The following VBP1 variants were observed in gnomAD, a reference collection of about 807,000 sequenced individuals.
VBP1 encodes prefoldin subunit 3.
A neutral mutation model predicts 15.5 loss-of-function variants in VBP1; 4 were observed. The observed-to-expected ratio is 0.26, with a 90% CI of 0.13 to 0.59. VBP1 has a LOEUF of 0.59. Ranked by LOEUF, VBP1 falls within the 20% of genes least tolerant of loss-of-function variation. The pLI is 0.90. For synonymous variants in VBP1, 61 were observed against 52.1 expected (o/e 1.17, Z -0.74); for missense variants, 108 against 139.6 (o/e 0.77, Z 1.14).
intron 1 of VBP1, among the ~76,000 whole-genome samples, chrX:155,203,547 G>A (rs1461777969): frequency 9.8e-6 from 1 of 101,983 alleles, no homozygotes; most frequent in Non-Finnish European, 2.0e-5. Flanking sequence ...ACTCATAGGT[G>A]GGAATTGAAC....
chrX:155,204,397 C>G (rs1184428429), intron 1 of VBP1, among the ~76,000 whole-genome samples: 2 of 111,508 alleles, frequency 1.8e-5, no homozygotes, highest in Non-Finnish European at 3.8e-5. Context: ...AGGTGATCCG[C>G]CCGCCTTGGC....
Position 155,220,236 on chromosome X carries a change from A to G in VBP1, c.147A>G (p.Val49=), listed in dbSNP as rs373158255. The change falls in exon 2 of 6, where the codon GTA becomes GTG. Residue 49 remains valine (V), a synonymous_variant. Transcript: ENST00000286428. ...KQPGNETADT[V]LKKLDEQYQK... ...CTGGGAATGAGACTGCAGATACAGT[A>G]TTAAAGAAGCTGGATGAACAGTACC... 8.3e-7 allele frequency: 1 copy of G among 1,200,754 alleles called. No homozygotes were observed. The highest frequency in any genetic ancestry group is 1.1e-6 in the Non-Finnish European group (1 of 889,058).
At chrX:155,230,422 GTTAAAAC>G (rs2074740039) in intron 4 of VBP1, among the ~76,000 whole-genome samples, 1 of 111,427 alleles carries the variant, frequency 9.0e-6, no homozygotes, top group South Asian at 3.8e-4. Flanking sequence ...AGTATAAGGG[GTTAAAAC>G]TTAAATGTAT....
Position 155,238,772 on chromosome X carries a change from A to G in VBP1, c.524A>G (p.Asn175Ser), listed in dbSNP as rs868952384. Residue 175 changes from asparagine (N) to serine (S), a missense_variant and splice_region_variant, in exon 6 of 6, where the codon AAT becomes AGT. Physicochemically the swap from Asn to Ser is conservative, Grantham distance 46. Transcript: ENST00000286428. ...LRDQFTTTEVNMARVYNWDVK... is the reference protein window; with the variant it reads ...LRDQFTTTEVSMARVYNWDVK... ...GCATTTTCTTTGACAATTCTTGCAG[A>G]TATGGCCAGGGTTTATAATTGGGAT... The G allele has an allele frequency of 8.3e-7, 1 of 1,203,223 alleles. No homozygotes were observed.
intron 2 of VBP1, among the ~76,000 whole-genome samples, chrX:155,224,871 CATTT>C (rs2074712207): frequency 9.0e-6 from 1 of 110,926 alleles, no homozygotes; most frequent in African/African-American, 3.3e-5. Flanking sequence ...TTCTGCCTTC[CATTT>C]ATTTATATTA....
intron 1 of VBP1, among the ~76,000 whole-genome samples, chrX:155,204,375 A>T (rs782346442): frequency 9.1e-6 from 1 of 109,309 alleles, no homozygotes; most frequent in South Asian, 3.9e-4. Flanking sequence ...CTGGTCTTGA[A>T]CTCCTGACCT....
rs1289561738 is a variant in VBP1 at position 155,239,760 on chromosome X, A to G, written c.*918A>G. The G allele has an allele frequency of 2.7e-5, 3 of 112,449 alleles. No individual in the cohort carries two copies. Among genetic ancestry groups the G allele is most frequent in the Non-Finnish European group, 5.6e-5 (3 of 53,309 alleles). 9.3% of individuals were successfully genotyped at this position (112,449 alleles called of 1,213,427 possible). A position where few individuals can be genotyped will look rare whatever the true frequency, so the allele number is the denominator to read the frequency against. On this transcript the variant is annotated 3_prime_UTR_variant, in exon 6 of 6. Transcript: ENST00000286428. ...TTCATCTCCATGTAGTAAAAAGTAT[A>G]CTTATACAATGTTTTGTACTTGTAT... is the stretch of plus-strand genomic sequence containing the variant.
At position 155,239,694 on chromosome X, in the gene VBP1, G is replaced by A. The variant is rs1260863915; in HGVS notation, c.*852G>A. On this transcript the variant is annotated 3_prime_UTR_variant, in exon 6 of 6. Transcript: ENST00000286428. ...GAAAGCTACTAGTACATTGACCAGCGCTGGGTGATACAGATTCTGATAAAA... is the reference window on the plus strand; with the variant it reads ...GAAAGCTACTAGTACATTGACCAGCACTGGGTGATACAGATTCTGATAAAA... 3.6e-5 allele frequency: 4 copies of A among 112,025 alleles called. No individual in the cohort carries two copies. Among genetic ancestry groups the A allele is most frequent in the Admixed American group, 9.4e-5 (1 of 10,623 alleles). The allele number at this position is 112,025 out of a possible 1,213,427, so 9.2% of individuals were successfully genotyped here.
chrX:155,226,636 G>C (rs1405451765), intron 2 of VBP1, among the ~76,000 whole-genome samples: 1 of 111,960 alleles, frequency 8.9e-6, no homozygotes, highest in Non-Finnish European at 1.9e-5. Context: ...ATACTGAGAA[G>C]GTGTCACTGT....
chrX:155,216,264 G>A, upstream of VBP1: 2 of 715,233 alleles, frequency 2.8e-6, no homozygotes, highest in East Asian at 7.5e-5. Context: ...TCTCTTTCGC[G>A]GCCCTTCCAC....
chrX:155,201,544 T>G (rs1327672795), intron 1 of VBP1, among the ~76,000 whole-genome samples: 1 of 84,039 alleles, frequency 1.2e-5, no homozygotes, highest in Non-Finnish European at 2.2e-5. Flanking sequence ...GAAAAGACCT[T>G]TGACAAATTC....
At chrX:155,226,220 A>C in intron 2 of VBP1, among the ~76,000 whole-genome samples, 1 of 111,926 alleles carries the variant, frequency 8.9e-6, no homozygotes, top group South Asian at 3.8e-4. Flanking sequence ...TACCATAAAG[A>C]GCTAAACCCC....
intron 4 of VBP1, among the ~76,000 whole-genome samples, chrX:155,231,849 G>C (rs914844090): frequency 4.5e-5 from 5 of 111,948 alleles, no homozygotes; most frequent in Middle Eastern, 4.7e-3. Context: ...AGGGGTGTTT[G>C]GATTGTTTTA....
intron 4 of VBP1, among the ~76,000 whole-genome samples, chrX:155,232,374 G>T (rs782380097): frequency 2.2e-4 from 24 of 110,357 alleles, no homozygotes; most frequent in Middle Eastern, 4.7e-3. Flanking sequence ...TAATGTAATC[G>T]ACTTTATCAG....
intron 2 of VBP1, among the ~76,000 whole-genome samples, chrX:155,222,197 C>CT (rs781908645): frequency 8.9e-6 from 1 of 112,568 alleles, no homozygotes; most frequent in East Asian, 2.8e-4. Context: ...GAAAATGTGC[C>CT]TTGGGGCGGG....
At chrX:155,222,355 G>A (rs782219671) in intron 2 of VBP1, among the ~76,000 whole-genome samples, 1 of 111,545 alleles carries the variant, frequency 9.0e-6, no homozygotes, top group Non-Finnish European at 1.9e-5. Flanking sequence ...CATGCCTGTA[G>A]TTCCAGCTAC....
intron 1 of VBP1, among the ~76,000 whole-genome samples, chrX:155,197,801 C>T (rs916655710): frequency 8.9e-6 from 1 of 112,389 alleles, no homozygotes; most frequent in Non-Finnish European, 1.9e-5. Flanking sequence ...CGAAGCAGGG[C>T]GAGGCATTGC....
intron 3 of VBP1, among the ~76,000 whole-genome samples, chrX:155,227,891 G>A (rs902401909): frequency 8.9e-6 from 1 of 112,539 alleles, no homozygotes; most frequent in Non-Finnish European, 1.9e-5. Flanking sequence ...AAGATTGTGT[G>A]TATGCTTATG....
intron 3 of VBP1, among the ~76,000 whole-genome samples, chrX:155,227,911 G>C (rs1177622915): frequency 8.9e-6 from 1 of 112,518 alleles, no homozygotes; most frequent in Non-Finnish European, 1.9e-5. Context: ...GATTTTGCTT[G>C]ACTGGTAGAA....
Sources: gnomAD v4.1 joint callset for allele counts (sites outside exome capture counted in the v4.1 genomes callset) on GRCh38, gnomAD v4.1.1 for gene constraint, MANE v1.5 for transcripts, NCBI Gene and HGNC (gene_info 2026-07-23, HGNC 2026-07-21) for gene names.